The following NXNL1 variants were observed in gnomAD, a reference collection of about 807,000 sequenced individuals.
NXNL1 encodes nucleoredoxin-like protein 1.
Under a neutral mutation model 7.2 loss-of-function variants are expected in NXNL1, and 6 were observed. The ratio of observed to expected loss-of-function variants is 0.83; its 90% CI spans 0.46 to 1.64. The LOEUF is 1.64. Among genes scored for constraint, NXNL1 ranks in the 40% most tolerant of loss-of-function variants. NXNL1 has a pLI of 0.01. For synonymous variants in NXNL1, 133 were observed against 127.2 expected, an observed-to-expected ratio of 1.05 and a Z score of -0.31; for missense variants, 308 against 285.1, an observed-to-expected ratio of 1.08 and a Z score of -0.58.
At chr19:17,458,546 CT>C (rs1471767271) in intron 1 of NXNL1, among the ~76,000 whole-genome samples, 1 of 149,370 alleles carries the variant, frequency 6.7e-6, no homozygotes, top group East Asian at 2.0e-4. Context: ...AGCTATAATA[CT>C]GTTTCATTGG....
Position 17,460,848 on chromosome 19 carries a change from G to C in NXNL1, c.22C>G (p.Arg8Gly), listed in dbSNP as rs369921727. Residue 8 changes from arginine (R) to glycine (G), a missense_variant, in exon 1 of 2, where the codon CGC becomes GGC. By Grantham distance (125) the Arg-to-Gly change is moderately radical. Transcript: ENST00000301944. MASLFSG[R>G]ILIRNNSDQD... ...TCGCTATTGTTGCGGATCAGGATGC[G>C]GCCAGAGAACAGGGAGGCCATGGTA... is the stretch of plus-strand genomic sequence containing the variant. The C allele has an allele frequency of 3.4e-5, 55 of 1,613,360 alleles. 1 individual carries two copies. The Middle Eastern group carries it at 4.3e-3, about 125-fold the overall frequency.
In NXNL1 at chr19:17,455,805, G is replaced by A; in HGVS notation, c.481C>T (p.Arg161Cys). The change falls in exon 2 of 2, where the codon CGC (arginine) becomes TGC (cysteine). Residue 161 changes from arginine (R) to cysteine (C), a missense_variant. Physicochemically the swap from Arg to Cys is radical, Grantham distance 180. Coordinates refer to ENST00000301944, the MANE Select transcript of NXNL1 (RefSeq NM_138454.2). The part of the protein sequence containing the change: ...NWQEAAEVLD[R>C]NFQLPEDLED... ...AGGTCCTCTGGCAGCTGGAAGTTGC[G>A]GTCCAGCACCTCGGCCGCCTCCTGC... 1.3e-6 allele frequency: 2 copies of A among 1,569,270 alleles called. No homozygotes were observed. Among genetic ancestry groups the A allele is most frequent in the Non-Finnish European group, 1.7e-6 (2 of 1,162,754 alleles).
intron 1 of NXNL1, among the ~76,000 whole-genome samples, chr19:17,459,015 C>T (rs1318465897): frequency 6.6e-6 from 1 of 152,110 alleles, no homozygotes; most frequent in Non-Finnish European, 1.5e-5. Flanking sequence ...CCTGCCTCAG[C>T]CTCCAAAAGT....
chr19:17,457,069 C>CATAT (rs36169634), intron 1 of NXNL1, among the ~76,000 whole-genome samples: 5 of 144,834 alleles, frequency 3.5e-5, no homozygotes, highest in East Asian at 4.0e-4. Flanking sequence ...CAACAAACAA[C>CATAT]ATATATATAT....
chr19:17,460,794 C>G lies in NXNL1; in HGVS notation c.76G>C (p.Val26Leu), dbSNP rs758744180. Residue 26 changes from valine (V) to leucine (L), a missense_variant, in exon 1 of 2, where the codon GTC becomes CTC. Coordinates refer to ENST00000301944, the MANE Select transcript of NXNL1 (RefSeq NM_138454.2). ...DQDELDTEAEVSRRLENRLVL... is the reference protein window; with the variant it reads ...DQDELDTEAELSRRLENRLVL... ...AGCCGGTTCTCCAGCCTGCGACTGA[C>G]CTCAGCCTCCGTATCCAGCTCGTCC... The G allele has an allele frequency of 6.2e-7, 1 of 1,613,860 alleles. No individual in the cohort carries two copies. The highest frequency in any genetic ancestry group is 1.1e-5 in the South Asian group (1 of 91,082).
In NXNL1 at chr19:17,458,220, CTTT is replaced by C. The variant is rs756873224; in HGVS notation, c.327-2264_327-2262del. Among the ~76,000 whole-genome samples, 870 of 122,124 alleles carry C rather than the reference CTTT, an allele frequency of 7.1e-3. 8 individuals are homozygous for C. The highest frequency in any genetic ancestry group is 0.026 in the African/African-American group (842 of 32,780). 80.1% of individuals were successfully genotyped at this position (122,124 alleles called of 152,430 possible). The stretch of plus-strand genomic sequence containing the variant: ...TTTCTTTCTTTCTTTTTCTTTCTTT[CTTT>C]TTTTTTTTTTTTTTGTGACATAGTC... On this transcript the variant is annotated intron_variant, in intron 1 of 1. Coordinates refer to ENST00000301944, the MANE Select transcript of NXNL1 (RefSeq NM_138454.2).
At chr19:17,458,672 G>T (rs8104056) in intron 1 of NXNL1, among the ~76,000 whole-genome samples, 30,812 of 143,106 alleles carry the variant, frequency 0.22, 3,396 homozygotes, top group African/African-American at 0.27. Context: ...TGCGATCTTG[G>T]CTCACTGCAC....
chr19:17,460,123 G>A (rs2075007071), intron 1 of NXNL1, among the ~76,000 whole-genome samples: 1 of 152,056 alleles, frequency 6.6e-6, no homozygotes. Flanking sequence ...CGATTCTCCT[G>A]CCTCAGCCTC....
At chr19:17,459,434 T>C (rs1020028957) in intron 1 of NXNL1, among the ~76,000 whole-genome samples, 2 of 152,080 alleles carry the variant, frequency 1.3e-5, no homozygotes. Flanking sequence ...ATTTTTATTT[T>C]TGAGACAGAG....
At chr19:17,460,039 C>T (rs1365033954) in intron 1 of NXNL1, among the ~76,000 whole-genome samples, 3 of 152,144 alleles carry the variant, frequency 2.0e-5, no homozygotes, top group Admixed American at 6.5e-5. Flanking sequence ...TAGACAGAGT[C>T]TCCCTCTGTC....
At chr19:17,457,593 G>C (rs1470110072) in intron 1 of NXNL1, among the ~76,000 whole-genome samples, 1 of 151,712 alleles carries the variant, frequency 6.6e-6, no homozygotes, top group East Asian at 1.9e-4. Flanking sequence ...GGCTGGTTTT[G>C]AACTCCTGGC....
Position 17,455,629 on chromosome 19 carries a change from C to T in NXNL1, c.*18G>A. ...AGGTTCATCAACAAACCCCACTCCT[C>T]TCCTCCACCCTAGCGGGTCAGAACA... On this transcript the variant is annotated 3_prime_UTR_variant, in exon 2 of 2. Transcript: ENST00000301944. 1.5e-6 allele frequency: 2 copies of T among 1,350,560 alleles called. No individual in the cohort carries two copies. The highest frequency in any genetic ancestry group is 1.3e-5 in the South Asian group (1 of 78,876). The allele number at this position is 1,350,560 out of a possible 1,614,324, so 83.7% of individuals were successfully genotyped here. A position where few individuals can be genotyped will look rare whatever the true frequency, so the allele number is the denominator to read the frequency against.
chr19:17,455,878 G>A lies in NXNL1; in HGVS notation c.408C>T (p.Asp136=), dbSNP rs112314563. 5.7e-4 allele frequency: 903 copies of A among 1,591,238 alleles called. 1 individual carries two copies. In the African/African-American group the frequency reaches 0.011, roughly 19 times the overall value. The change falls in exon 2 of 2, where the codon GAC becomes GAT. Residue 136 remains aspartate (D), a synonymous_variant. Transcript: ENST00000301944. The stretch of plus-strand genomic sequence containing the variant: ...CCAGGCGCTGGATCTCGTCGGCGCC[G>A]TCGCGAGTGAGCACGTCCCCGTCCG... ...LKPDGDVLTR[D]GADEIQRLGT...
chr19:17,455,591 G>T lies in NXNL1; in HGVS notation c.*56C>A. The stretch of plus-strand genomic sequence containing the variant: ...GCTGGGATTACAGGCGTGCGGGGGT[G>T]GGGTGGGGGTGGAGGTTCATCAACA... On this transcript the variant is annotated 3_prime_UTR_variant, in exon 2 of 2. Transcript: ENST00000301944. The T allele has an allele frequency of 9.5e-7, 1 of 1,054,436 alleles. No homozygotes were observed. Among genetic ancestry groups the T allele is most frequent in the Non-Finnish European group, 1.4e-6 (1 of 732,190 alleles). 65.3% of individuals were successfully genotyped at this position (1,054,436 alleles called of 1,614,324 possible). A position where few individuals can be genotyped will look rare whatever the true frequency, so the allele number is the denominator to read the frequency against.
Position 17,455,734 on chromosome 19 carries a change from G to C in NXNL1, c.552C>G (p.His184Gln). ...PRSLTECLRR[H>Q]KYRVEKAARG... is the part of the protein sequence containing the mutation. The stretch of plus-strand genomic sequence containing the variant: ...GCGCCGCCTTTTCCACGCGGTACTT[G>C]TGGCGGCGCAGGCACTCGGTGAGGC... The change falls in exon 2 of 2, where the codon CAC becomes CAG. Residue 184 changes from histidine (H) to glutamine (Q), a missense_variant. By Grantham distance (24) the His-to-Gln change is conservative. Coordinates refer to ENST00000301944, the MANE Select transcript of NXNL1 (RefSeq NM_138454.2). 6.6e-7 allele frequency: 1 copy of C among 1,504,072 alleles called. No individual in the cohort carries two copies. Among genetic ancestry groups the C allele is most frequent in the Non-Finnish European group, 8.8e-7 (1 of 1,131,044 alleles). The allele number at this position is 1,504,072 out of a possible 1,614,324, so 93.2% of individuals were successfully genotyped here.
At chr19:17,456,984 A>G (rs940453506) in intron 1 of NXNL1, among the ~76,000 whole-genome samples, 3 of 151,832 alleles carry the variant, frequency 2.0e-5, no homozygotes, top group African/African-American at 7.3e-5. Context: ...CGGAAGGCAG[A>G]GCTTGCAGTG....
At chr19:17,456,011 C>G in intron 1 of NXNL1, 52 bp from the exon 2 acceptor site, 1 of 1,592,934 alleles carries the variant, frequency 6.3e-7, no homozygotes, top group Non-Finnish European at 8.5e-7. Flanking sequence ...GATGCTGAAC[C>G]AGAGAGCCCC....
chr19:17,460,414 G>C (rs1366321447), intron 1 of NXNL1, 130 bp downstream of exon 1: 1 of 1,005,786 alleles, frequency 9.9e-7, no homozygotes, highest in Middle Eastern at 2.5e-4. Context: ...GGGCACCCCT[G>C]TCTGTACCCC....
intron 1 of NXNL1, among the ~76,000 whole-genome samples, chr19:17,458,704 C>T (rs913155686): frequency 3.8e-4 from 56 of 147,350 alleles, no homozygotes; most frequent in African/African-American, 1.2e-3. Flanking sequence ...CGGGTTCAAG[C>T]GATTCTCGTG....
Sources: allele counts gnomAD v4.1 joint callset (sites outside exome capture counted in the v4.1 genomes callset), GRCh38; gene constraint gnomAD v4.1.1; transcripts MANE v1.5; gene names NCBI Gene and HGNC (gene_info 2026-07-23, HGNC 2026-07-21).